SLC6A6: variants seen among roughly 807,000 people sequenced by gnomAD.
SLC6A6 encodes the protein sodium- and chloride-dependent taurine transporter.
SLC6A6 carries 16 observed loss-of-function variants against 68.8 expected under a neutral mutation model. The observed-to-expected ratio is 0.23, with a 90% confidence interval of 0.16 to 0.35. The LOEUF is 0.35. Among genes scored for constraint, SLC6A6 ranks in the 10% least tolerant of loss-of-function variants. The pLI is 1.00. For synonymous variants in SLC6A6, 312 were observed against 315.4 expected (o/e 0.99, Z 0.12); for missense variants, 474 against 802.8 (o/e 0.59, Z 4.95).
intron 2 of SLC6A6, among the ~76,000 whole-genome samples, chr3:14,419,898 A>G (rs1361871889): frequency 6.6e-6 from 1 of 152,114 alleles, no homozygotes; most frequent in African/African-American, 2.4e-5. Context: ...GAAGATTCTT[A>G]ACAGGGAGAC....
chr3:14,410,314 C>T (rs1458837525), intron 1 of SLC6A6, among the ~76,000 whole-genome samples: 2 of 152,170 alleles, frequency 1.3e-5, no homozygotes, highest in Non-Finnish European at 2.9e-5. Flanking sequence ...TTAATGCCTC[C>T]ACCTCAAACC....
In SLC6A6 at chr3:14,415,720, G is replaced by A. The variant is rs6800005; in HGVS notation, c.-53-692G>A. On this transcript the variant is annotated intron_variant, in intron 1 of 14. Transcript: ENST00000622186. ...CTGAAAAAGACAACAGAACCCCCCC[G>A]CTCCAAAAAAAGTCTTCTGGGTTAG... 1.6e-4 allele frequency among the ~76,000 whole-genome samples: 24 copies of A among 151,666 alleles called. 1 individual carries two copies. Among genetic ancestry groups the A allele is most frequent in the African/African-American group, 5.1e-4 (21 of 41,174 alleles).
intron 1 of SLC6A6, among the ~76,000 whole-genome samples, chr3:14,403,384 T>C (rs1474325624): frequency 6.6e-6 from 1 of 152,180 alleles, no homozygotes; most frequent in Non-Finnish European, 1.5e-5. Flanking sequence ...GGGCTGCGTC[T>C]TCCAGGCCCT....
At chr3:14,470,400 G>A (rs1260724918) in intron 9 of SLC6A6, among the ~76,000 whole-genome samples, 2 of 152,132 alleles carry the variant, frequency 1.3e-5, no homozygotes, top group African/African-American at 4.8e-5. Context: ...ACGTGGCATG[G>A]CACATTGTCT....
At chr3:14,428,705 G>A (rs558224368) in intron 2 of SLC6A6, among the ~76,000 whole-genome samples, 1 of 152,300 alleles carries the variant, frequency 6.6e-6, no homozygotes, top group African/African-American at 2.4e-5. Context: ...CCTGAGAGCA[G>A]TTCTGAACCA....
chr3:14,406,700 G>A (rs924278703), intron 1 of SLC6A6, among the ~76,000 whole-genome samples: 5 of 152,184 alleles, frequency 3.3e-5, no homozygotes, highest in African/African-American at 1.2e-4. Flanking sequence ...GGCTTCATTT[G>A]GAAACCTGGG....
intron 2 of SLC6A6, among the ~76,000 whole-genome samples, chr3:14,426,404 C>T (rs1699600101): frequency 6.6e-6 from 1 of 152,210 alleles, no homozygotes; most frequent in Non-Finnish European, 1.5e-5. Flanking sequence ...CCCCAAACTG[C>T]ACATGCAAGC....
chr3:14,445,442 A>AAAAGAAAG (rs71038410), intron 3 of SLC6A6, among the ~76,000 whole-genome samples: 5 of 148,128 alleles, frequency 3.4e-5, no homozygotes, highest in Non-Finnish European at 7.4e-5. Context: ...AAAAAAGAAA[A>AAAAGAAAG]AAAGAAAGAA....
intron 4 of SLC6A6, among the ~76,000 whole-genome samples, chr3:14,447,268 ACATCCAAC>A (rs1400702950): frequency 1.9e-4 from 24 of 123,812 alleles, no homozygotes; most frequent in East Asian, 6.2e-4. Context: ...ATCCATCCAA[ACATCCAAC>A]CATCCAACCA....
rs1417256381 is a variant in SLC6A6 at position 14,445,776 on chromosome 3, T to C, written c.289T>C (p.Leu97=). ...LFGSGLPVFF[L]EIIIGQYTSE... ...TGGGAGCGGCCTGCCTGTGTTTTTC[T>C]TGGAGATCATCATAGGCCAGTACAC... Residue 97 remains leucine, a synonymous_variant, in exon 4 of 15, where the codon TTG becomes CTG. Transcript: ENST00000622186. 1.2e-6 allele frequency: 2 copies of C among 1,614,092 alleles called. No individual in the cohort carries two copies. The highest frequency in any genetic ancestry group is 1.7e-6 in the Non-Finnish European group (2 of 1,179,998).
chr3:14,447,360 C>A (rs891772869), intron 4 of SLC6A6, among the ~76,000 whole-genome samples: 2 of 152,144 alleles, frequency 1.3e-5, no homozygotes, highest in African/African-American at 4.8e-5. Context: ...ATTGTTCTAT[C>A]CCCCCTGCCC....
intron 10 of SLC6A6, among the ~76,000 whole-genome samples, chr3:14,473,616 G>A (rs1359471438): frequency 6.6e-6 from 1 of 152,168 alleles, no homozygotes; most frequent in East Asian, 1.9e-4. Context: ...AGCAGAGCAG[G>A]GGATTTGGCA....
chr3:14,457,864 C>A, intron 5 of SLC6A6, 86 bp from the exon 6 acceptor site: 1 of 1,369,156 alleles, frequency 7.3e-7, no homozygotes, highest in Non-Finnish European at 1.0e-6. Context: ...GGGATTTGAC[C>A]CCCAGCCTGT....
chr3:14,465,685 C>G (rs192048778), intron 6 of SLC6A6, among the ~76,000 whole-genome samples: 1 of 152,206 alleles, frequency 6.6e-6, no homozygotes, highest in Non-Finnish European at 1.5e-5. Flanking sequence ...CCTTGCTTAT[C>G]TGATCCCTAA....
Position 14,472,482 on chromosome 3 carries a change from G to T in SLC6A6, c.1209+165G>T. On this transcript the variant is annotated intron_variant, in intron 10 of 14. Coordinates refer to ENST00000622186, the MANE Select transcript of SLC6A6 (RefSeq NM_003043.6). This position sits in a 1 kb window ranked among gnomAD's most constrained non-coding sequence, Gnocchi z 4.5. ...CTCCAGGACACCAGGAATAGAAAAAGCTCTGCGTCCCCAGAAAGTGCATTT... is the reference window on the plus strand; with the variant it reads ...CTCCAGGACACCAGGAATAGAAAAATCTCTGCGTCCCCAGAAAGTGCATTT... Among the ~76,000 whole-genome samples the T allele has an allele frequency of 6.6e-6, 1 of 152,180 alleles. No homozygotes were observed. The highest frequency in any genetic ancestry group is 1.9e-4 in the East Asian group (1 of 5,192).
intron 2 of SLC6A6, among the ~76,000 whole-genome samples, chr3:14,426,031 C>T (rs915261716): frequency 5.3e-5 from 8 of 152,290 alleles, no homozygotes; most frequent in African/African-American, 1.9e-4. Flanking sequence ...ATGATTGAGG[C>T]CAGCTGCCAC....
At chr3:14,465,973 G>A (rs116116727) in intron 6 of SLC6A6, among the ~76,000 whole-genome samples, 1,941 of 152,280 alleles carry the variant, frequency 0.013, 42 homozygotes, top group African/African-American at 0.043. Context: ...CAGTAAATCT[G>A]TGAGGTGGGC....
rs557189839 is a variant in SLC6A6, at chr3:14,468,534, C to T, written c.1096+322C>T. Reference sequence around the variant, plus strand: ...AAACTCCTGGTTTCCACAATAGAAACCACTTTCCTAACTCAGGCCCAAGTC... The same window carrying T: ...AAACTCCTGGTTTCCACAATAGAAATCACTTTCCTAACTCAGGCCCAAGTC... On this transcript the variant is annotated intron_variant, in intron 9 of 14. Transcript: ENST00000622186. This position sits in a 1 kb window ranked among gnomAD's most constrained non-coding sequence, Gnocchi z 4.5. Among the ~76,000 whole-genome samples the T allele has an allele frequency of 6.6e-6, 1 of 152,054 alleles. No individual in the cohort carries two copies. Among genetic ancestry groups the T allele is most frequent in the Admixed American group, 6.6e-5 (1 of 15,266 alleles).
rs572248382 is a variant in SLC6A6 at position 14,478,831 on chromosome 3, G to A, written c.1451-254G>A. ...AATACTCCTTTTTTATCTCCTTGAG[G>A]CCTTGGGTTTGAGTTTGGGCTGTGC... On this transcript the variant is annotated intron_variant, in intron 12 of 14. Coordinates refer to ENST00000622186, the MANE Select transcript of SLC6A6 (RefSeq NM_003043.6). The A allele has an allele frequency of 1.8e-4, 108 of 592,922 alleles. 1 individual carries two copies. The South Asian group carries it at 1.9e-3, about 10-fold the overall frequency. 36.7% of individuals were successfully genotyped at this position (592,922 alleles called of 1,614,324 possible).
Sources: gnomAD v4.1 joint callset for allele counts (sites outside exome capture counted in the v4.1 genomes callset) on GRCh38, gnomAD v4.1.1 for gene constraint, Gnocchi (gnomAD v3.1) non-coding constraint, MANE v1.5 for transcripts, NCBI Gene and HGNC (gene_info 2026-07-23, HGNC 2026-07-21) for gene names.